The following FHIT variants were observed in gnomAD, a reference collection of about 807,000 sequenced individuals.
FHIT encodes the protein fragile histidine triad diadenosine triphosphatase, also known as bis(5'-adenosyl)-triphosphatase.
FHIT carries 19 observed loss-of-function variants against 17.9 expected under a neutral mutation model. That is an observed-to-expected ratio of 1.06 (90% CI 0.74 to 1.56). The LOEUF (loss-of-function observed/expected upper bound fraction) is 1.56. FHIT is among the 40% of genes most tolerant of loss of function. The pLI, the probability that FHIT is intolerant of heterozygous loss-of-function variation, is 0.00. For synonymous variants in FHIT, 81 were observed against 69.7 expected, an observed-to-expected ratio of 1.16 and a Z score of -0.81; for missense variants, 248 against 189.2, an observed-to-expected ratio of 1.31 and a Z score of -1.82.
At chr3:60,312,927 G>C (rs573451253) in intron 5 of FHIT, among the ~76,000 whole-genome samples, 1 of 152,156 alleles carries the variant, frequency 6.6e-6, no homozygotes, top group African/African-American at 2.4e-5. Context: ...TAATAAGAGC[G>C]CTGGTATTTA....
intron 5 of FHIT, among the ~76,000 whole-genome samples, chr3:60,045,806 C>T (rs1375994117): frequency 1.3e-5 from 2 of 152,008 alleles, no homozygotes; most frequent in African/African-American, 4.8e-5. Flanking sequence ...GTCTCTGGAT[C>T]AACTGAAATG....
chr3:60,423,908 T>A (rs566500547), intron 5 of FHIT, among the ~76,000 whole-genome samples: 1 of 152,240 alleles, frequency 6.6e-6, no homozygotes, highest in African/African-American at 2.4e-5. Context: ...CCTTTTCTCT[T>A]CATTCTTTCC....
intron 5 of FHIT, among the ~76,000 whole-genome samples, chr3:60,154,400 A>G (rs1239690952): frequency 6.6e-6 from 1 of 152,208 alleles, no homozygotes; most frequent in Non-Finnish European, 1.5e-5. Context: ...TTTAGAAATC[A>G]GTCATGAAAG....
chr3:60,421,253 C>A (rs767106181), intron 5 of FHIT, among the ~76,000 whole-genome samples: 10 of 152,022 alleles, frequency 6.6e-5, no homozygotes, highest in Admixed American at 2.0e-4. Flanking sequence ...GTTTAGCTGC[C>A]AGGTTTGGTC....
chr3:60,384,074 C>A (rs529831511), intron 5 of FHIT, among the ~76,000 whole-genome samples: 48 of 152,160 alleles, frequency 3.2e-4, no homozygotes, highest in African/African-American at 1.1e-3. Flanking sequence ...TCAAGACCAT[C>A]TTGGCCATCA....
At chr3:60,874,480 C>T (rs1378829220) in intron 3 of FHIT, among the ~76,000 whole-genome samples, 3 of 152,182 alleles carry the variant, frequency 2.0e-5, no homozygotes, top group African/African-American at 7.2e-5. Flanking sequence ...GAAAACCTCA[C>T]ATCTTTCATC....
rs775581148 is a variant in FHIT at position 60,782,233 on chromosome 3, G to GTATATATATATATATATATA, written c.-18+39685_-18+39686insTATATATATATATATATATA. ...AGAATATTTCATTGTGTGTGTGTGT[G>GTATATATATATATATATATA]TGTGTATATATATATATATATCACA... On this transcript the variant is annotated intron_variant, in intron 4 of 9. Transcript: ENST00000492590. Among the ~76,000 whole-genome samples, 1,067 of 132,398 alleles carry GTATATATATATATATATATA rather than the reference G, an allele frequency of 8.1e-3. 2 individuals carry two copies. The highest frequency in any genetic ancestry group is 9.5e-3 in the Non-Finnish European group (594 of 62,384). The allele number at this position is 132,398 out of a possible 152,430, so 86.9% of individuals were successfully genotyped here. A position where few individuals can be genotyped will look rare whatever the true frequency, so the allele number is the denominator to read the frequency against.
At chr3:59,994,431 A>G (rs1393475994) in intron 7 of FHIT, among the ~76,000 whole-genome samples, 2 of 152,092 alleles carry the variant, frequency 1.3e-5, no homozygotes, top group African/African-American at 2.4e-5. Context: ...CATTTCTGCC[A>G]AAGAACTCAT....
chr3:60,913,552 C>T (rs1375981781), intron 3 of FHIT, among the ~76,000 whole-genome samples: 3 of 152,204 alleles, frequency 2.0e-5, no homozygotes, highest in African/African-American at 7.2e-5. Flanking sequence ...TAATGTACTG[C>T]TTATCCCACT....
At chr3:60,027,148 C>CAGACACACACACACAGACAAAAA (rs1553654525) in intron 5 of FHIT, among the ~76,000 whole-genome samples, 1 of 125,748 alleles carries the variant, frequency 8.0e-6, no homozygotes, top group African/African-American at 2.7e-5. Context: ...CACACACACA[C>CAGACACACACACACAGACAAAAA]AAAATTAGTA....
chr3:60,630,990 ATCTTTGCCC>A (rs1553682306), intron 4 of FHIT, among the ~76,000 whole-genome samples: 1 of 150,936 alleles, frequency 6.6e-6, no homozygotes, highest in Non-Finnish European at 1.5e-5. Flanking sequence ...AACACTCTCA[ATCTTTGCCC>A]TCTTGGTATC....
Position 60,691,003 on chromosome 3 carries a change from C to CTG in FHIT, c.-18+130914_-18+130915dup, listed in dbSNP as rs200245945. Among the ~76,000 whole-genome samples the CTG allele has an allele frequency of 6.8e-3, 1,035 of 152,018 alleles. 10 individuals are homozygous for CTG. Among genetic ancestry groups the CTG allele is most frequent in the African/African-American group, 0.023 (974 of 41,478 alleles). The stretch of plus-strand genomic sequence containing the variant: ...TTATAAGGCTAACTGTTTTGTTTGC[C>CTG]TGTGTGTGTGAAGGATTTTTTTTAC... On this transcript the variant is annotated intron_variant, in intron 4 of 9. Transcript: ENST00000492590.
At chr3:61,135,564 C>T (rs2036891286) in intron 2 of FHIT, among the ~76,000 whole-genome samples, 1 of 149,540 alleles carries the variant, frequency 6.7e-6, no homozygotes, top group Non-Finnish European at 1.5e-5. Flanking sequence ...ATAACCCACA[C>T]TTGCATCCTT....
chr3:60,908,508 C>G (rs1161139861), intron 3 of FHIT, among the ~76,000 whole-genome samples: 4 of 151,968 alleles, frequency 2.6e-5, no homozygotes, highest in Non-Finnish European at 5.9e-5. Flanking sequence ...TTTAACTCAA[C>G]AGAGTAACCA....
intron 7 of FHIT, among the ~76,000 whole-genome samples, 164 bp from the exon 8 acceptor site, chr3:59,922,578 C>G (rs930657020): frequency 1.3e-5 from 2 of 151,978 alleles, no homozygotes; most frequent in African/African-American, 2.4e-5. Flanking sequence ...TGAAATCTGC[C>G]GAGAAGAGAG....
chr3:60,492,889 T>C (rs937442742), intron 5 of FHIT, among the ~76,000 whole-genome samples: 4 of 152,168 alleles, frequency 2.6e-5, no homozygotes, highest in African/African-American at 4.8e-5. Flanking sequence ...CACTCTATCT[T>C]CTGTTGCTTC....
chr3:60,426,181 T>C (rs1040726798), intron 5 of FHIT, among the ~76,000 whole-genome samples: 2 of 152,118 alleles, frequency 1.3e-5, no homozygotes, highest in Non-Finnish European at 2.9e-5. Context: ...TCAGCAGGAA[T>C]AAAATAGAAC....
chr3:60,129,769 C>A (rs1161963427), intron 5 of FHIT, among the ~76,000 whole-genome samples: 1 of 152,146 alleles, frequency 6.6e-6, no homozygotes, highest in African/African-American at 2.4e-5. Flanking sequence ...GATTAATGTA[C>A]AGCCCATTAT....
chr3:60,516,701 T>G (rs576716393), intron 5 of FHIT, among the ~76,000 whole-genome samples: 2 of 152,322 alleles, frequency 1.3e-5, no homozygotes, highest in African/African-American at 4.8e-5. Context: ...TAGAACAATC[T>G]CAGAGCATAA....
Sources: allele counts gnomAD v4.1 joint callset (sites outside exome capture counted in the v4.1 genomes callset), GRCh38; gene constraint gnomAD v4.1.1; transcripts MANE v1.5; gene names NCBI Gene and HGNC (gene_info 2026-07-23, HGNC 2026-07-21).